CPNE3: variants seen among roughly 807,000 people sequenced by gnomAD.
The protein encoded by CPNE3 is copine 3, also known as copine-3.
A neutral mutation model predicts 63.9 loss-of-function variants in CPNE3; 68 were observed. The ratio of observed to expected loss-of-function variants is 1.06; its 90% CI spans 0.87 to 1.30. CPNE3 has a LOEUF of 1.30. Ranked by LOEUF, CPNE3 falls within the 50% of genes most tolerant of loss-of-function variation. The pLI, the probability that CPNE3 is intolerant of heterozygous loss-of-function variation, is 0.00. For missense variants in CPNE3, 665 were observed against 578.1 expected, an observed-to-expected ratio of 1.15 and a Z score of -1.54; for synonymous variants, 219 against 197.5, an observed-to-expected ratio of 1.11 and a Z score of -0.91.
Position 86,539,637 on chromosome 8 carries a change from A to G in CPNE3, c.544-608A>G, listed in dbSNP as rs1820882968. 2.0e-5 allele frequency among the ~76,000 whole-genome samples: 3 copies of G among 148,708 alleles called. No individual in the cohort carries two copies. The South Asian group carries it at 6.4e-4, about 32-fold the overall frequency. On this transcript the variant is annotated intron_variant, in intron 7 of 16. Coordinates refer to ENST00000517490, the MANE Select transcript of CPNE3 (RefSeq NM_003909.5). ...GCCCTGCAATGAAACCCTCATTGCT[A>G]TTAAAATCAATAATCCTCCGCAGTT...
At chr8:86,520,420 A>G (rs529284492) in intron 2 of CPNE3, among the ~76,000 whole-genome samples, 4 of 144,204 alleles carry the variant, frequency 2.8e-5, no homozygotes, top group Admixed American at 1.4e-4. Flanking sequence ...GCTGGGCGTG[A>G]TGGCAGCGCC....
At chr8:86,555,266 T>C (rs1222319603) in intron 15 of CPNE3, among the ~76,000 whole-genome samples, 1 of 152,212 alleles carries the variant, frequency 6.6e-6, no homozygotes, top group African/African-American at 2.4e-5. Flanking sequence ...ATCTACCTTT[T>C]TGAAGTAGAC....
At chr8:86,539,213 A>T (rs967028547) in intron 7 of CPNE3, among the ~76,000 whole-genome samples, 1 of 152,214 alleles carries the variant, frequency 6.6e-6, no homozygotes, top group African/African-American at 2.4e-5. Flanking sequence ...GAGAGCTCGT[A>T]GTCTCTAAAA....
rs1457646166 is a variant in CPNE3 at position 86,551,510 on chromosome 8, A to C, written c.1120+276A>C. 19 of 315,178 alleles carry C rather than the reference A, an allele frequency of 6.0e-5. No individual in the cohort carries two copies. The Admixed American group carries it at 6.6e-4, about 11-fold the overall frequency. 19.5% of individuals were successfully genotyped at this position (315,178 alleles called of 1,614,324 possible). A position where few individuals can be genotyped will look rare whatever the true frequency, so the allele number is the denominator to read the frequency against. The stretch of plus-strand genomic sequence containing the variant: ...CCTACCTTAAGAACTTTAATAGGAC[A>C]AAAACATTCTCAATCTTTGGAGTAG... On this transcript the variant is annotated intron_variant, in intron 14 of 16. Transcript: ENST00000517490.
intron 6 of CPNE3, among the ~76,000 whole-genome samples, chr8:86,536,658 T>G (rs1313565641): frequency 6.6e-6 from 1 of 152,182 alleles, no homozygotes; most frequent in African/African-American, 2.4e-5. Flanking sequence ...GGGATGTATC[T>G]GCATATATTC....
chr8:86,540,747 C>T (rs1346894859), intron 8 of CPNE3, among the ~76,000 whole-genome samples: 1 of 152,134 alleles, frequency 6.6e-6, no homozygotes, highest in African/African-American at 2.4e-5. Flanking sequence ...CTGCCCTTAG[C>T]AAGGGAGGGC....
chr8:86,552,930 C>T (rs746210394), intron 14 of CPNE3, among the ~76,000 whole-genome samples: 317 of 113,510 alleles, frequency 2.8e-3, no homozygotes, highest in Non-Finnish European at 4.9e-3. Flanking sequence ...ACCTCCTCCT[C>T]CCGGGTTCAA....
chr8:86,551,309 T>C (rs1353174830), intron 14 of CPNE3, 75 bp downstream of exon 14: 1 of 1,082,050 alleles, frequency 9.2e-7, no homozygotes, highest in Non-Finnish European at 1.4e-6. Flanking sequence ...CTTTGTTCTT[T>C]GTTTTTTTTC....
At chr8:86,552,211 T>A (rs1563700076) in intron 14 of CPNE3, among the ~76,000 whole-genome samples, 1 of 152,248 alleles carries the variant, frequency 6.6e-6, no homozygotes, top group Non-Finnish European at 1.5e-5. Context: ...GAAAATGTTT[T>A]TTCCTTTTCT....
chr8:86,536,771 T>C (rs1484417614), intron 6 of CPNE3, among the ~76,000 whole-genome samples: 3 of 152,074 alleles, frequency 2.0e-5, no homozygotes, highest in Non-Finnish European at 4.4e-5. Context: ...TGAGAAAAAA[T>C]CATCCATAGT....
chr8:86,543,180 T>G (rs1361999872), intron 8 of CPNE3, among the ~76,000 whole-genome samples: 2 of 152,080 alleles, frequency 1.3e-5, no homozygotes, highest in African/African-American at 4.8e-5. Flanking sequence ...ATAAAAGGTT[T>G]TTGGTTTAAA....
chr8:86,534,691 A>G (rs1043047881), intron 6 of CPNE3, among the ~76,000 whole-genome samples: 6 of 152,132 alleles, frequency 3.9e-5, no homozygotes, highest in Non-Finnish European at 8.8e-5. Flanking sequence ...AAATAGTGAT[A>G]TCGTCACTCT....
intron 16 of CPNE3, among the ~76,000 whole-genome samples, chr8:86,557,825 G>T (rs1821355343): frequency 6.6e-6 from 1 of 152,158 alleles, no homozygotes; most frequent in Non-Finnish European, 1.5e-5. Flanking sequence ...AACTGTATCA[G>T]TGTCAGCTGC....
At position 86,558,270 on chromosome 8, in the gene CPNE3, TA is replaced by T; in HGVS notation, c.1492-17del. On this transcript the variant is annotated splice_polypyrimidine_tract_variant and intron_variant, in intron 16 of 16. Transcript: ENST00000517490. ...ATTCAGTTGCTAATAAAGTCACTTT[TA>T]TTTTGTTTTTCACAAGGCTCCAAAA... The T allele has an allele frequency of 1.1e-6, 1 of 872,808 alleles. No individual in the cohort carries two copies. Among genetic ancestry groups the T allele is most frequent in the South Asian group, 1.3e-5 (1 of 76,526 alleles). The allele number at this position is 872,808 out of a possible 1,614,324, so 54.1% of individuals were successfully genotyped here.
intron 15 of CPNE3, among the ~76,000 whole-genome samples, chr8:86,555,602 T>C (rs1180641684): frequency 6.6e-6 from 1 of 152,218 alleles, no homozygotes; most frequent in Non-Finnish European, 1.5e-5. Flanking sequence ...TTTACTGCTC[T>C]CTGAAAAGGT....
intron 8 of CPNE3, among the ~76,000 whole-genome samples, chr8:86,542,162 G>T (rs1038037619): frequency 1.3e-5 from 2 of 152,120 alleles, no homozygotes; most frequent in Non-Finnish European, 2.9e-5. Context: ...TACACAACTT[G>T]GTTTGCTACG....
intron 8 of CPNE3, among the ~76,000 whole-genome samples, chr8:86,544,481 A>G (rs142265652): frequency 6.6e-6 from 1 of 152,268 alleles, no homozygotes; most frequent in Non-Finnish European, 1.5e-5. Flanking sequence ...TTAATGTGGA[A>G]TTGAAACAGT....
intron 2 of CPNE3, chr8:86,524,823 C>T (rs1820506260): frequency 8.5e-6 from 1 of 117,088 alleles, no homozygotes. Context: ...AGGTGCATGC[C>T]ACCTTGGCTG....
At chr8:86,546,819 C>A in intron 10 of CPNE3, 138 bp downstream of exon 10, 2 of 868,190 alleles carry the variant, frequency 2.3e-6, no homozygotes, top group South Asian at 4.3e-5. Context: ...TCAAGCAATT[C>A]TCTGCCTCAG....
Sources: allele counts gnomAD v4.1 joint callset (sites outside exome capture counted in the v4.1 genomes callset), GRCh38; gene constraint gnomAD v4.1.1; transcripts MANE v1.5; gene names NCBI Gene and HGNC (gene_info 2026-07-23, HGNC 2026-07-21).